The following ASAP3 variants were observed in gnomAD, a reference collection of about 807,000 sequenced individuals.
The protein encoded by ASAP3 is arf-GAP with SH3 domain, ANK repeat and PH domain-containing protein 3.
A neutral mutation model predicts 118.2 loss-of-function variants in ASAP3; 85 were observed. The ratio of observed to expected loss-of-function variants is 0.72; its 90% CI spans 0.60 to 0.86. The LOEUF (loss-of-function observed/expected upper bound fraction) is 0.86, where lower values mean the gene tolerates loss of function less well. Ranked by LOEUF, ASAP3 falls within the 40% of genes least tolerant of loss-of-function variation. The pLI, the probability that ASAP3 is intolerant of heterozygous loss-of-function variation, is 0.00. For synonymous variants in ASAP3, 432 were observed against 477.4 expected (o/e 0.90, Z 1.24); for missense variants, 1,026 against 1,175.0 (o/e 0.87, Z 1.85).
At chr1:23,453,769 T>C (rs1641298328) in intron 3 of ASAP3, among the ~76,000 whole-genome samples, 1 of 152,152 alleles carries the variant, frequency 6.6e-6, no homozygotes, top group Non-Finnish European at 1.5e-5. Context: ...ATGGCAGCAC[T>C]AGGCCTCTGA....
At chr1:23,457,996 G>A (rs1641443074) in intron 1 of ASAP3, among the ~76,000 whole-genome samples, 1 of 152,226 alleles carries the variant, frequency 6.6e-6, no homozygotes, top group Non-Finnish European at 1.5e-5. Flanking sequence ...ATCATCAGCT[G>A]CTGCTGATGC....
chr1:23,475,258 G>A (rs1029578583), intron 1 of ASAP3, among the ~76,000 whole-genome samples: 2 of 152,120 alleles, frequency 1.3e-5, no homozygotes, highest in Non-Finnish European at 2.9e-5. Flanking sequence ...ATGGTGTCTA[G>A]TGTTCAGGGA....
intron 17 of ASAP3, 117 bp downstream of exon 17, chr1:23,435,734 G>C (rs1435680535): frequency 5.0e-6 from 6 of 1,195,940 alleles, no homozygotes; most frequent in Non-Finnish European, 7.5e-6. Flanking sequence ...ACTCTGATGG[G>C]TGAGATCTGA....
chr1:23,440,108 A>G (rs1035119956), intron 10 of ASAP3, among the ~76,000 whole-genome samples: 33 of 144,604 alleles, frequency 2.3e-4, no homozygotes, highest in Admixed American at 2.3e-3. Context: ...GAGCCACTGC[A>G]CCTGGCCCAC....
chr1:23,458,981 C>T (rs1641480124), intron 1 of ASAP3, among the ~76,000 whole-genome samples: 1 of 151,996 alleles, frequency 6.6e-6, no homozygotes, highest in Admixed American at 6.6e-5. Context: ...ACCAGCCTGA[C>T]CAACATGGCG....
intron 5 of ASAP3, among the ~76,000 whole-genome samples, chr1:23,444,993 G>A (rs1334717581): frequency 1.3e-5 from 2 of 151,368 alleles, no homozygotes. Context: ...TTTAAAGAGG[G>A]GGTTATTTTT....
chr1:23,447,340 TTC>T (rs1241982678), intron 5 of ASAP3, among the ~76,000 whole-genome samples: 2 of 152,222 alleles, frequency 1.3e-5, no homozygotes, highest in Non-Finnish European at 2.9e-5. Context: ...TGCTACTATG[TTC>T]TGTTTTATTA....
intron 23 of ASAP3, 108 bp downstream of exon 23, chr1:23,431,588 G>T (rs1640432035): frequency 7.5e-6 from 8 of 1,066,346 alleles, no homozygotes; most frequent in Non-Finnish European, 1.1e-5. Flanking sequence ...CCCAGAGATG[G>T]CGTGTGACCC....
chr1:23,437,090 C>A lies in ASAP3; in HGVS notation c.1342+40G>T, dbSNP rs771860516. 18 of 1,600,812 alleles carry A rather than the reference C, an allele frequency of 1.1e-5. No individual in the cohort carries two copies. Among genetic ancestry groups the A allele is most frequent in the Non-Finnish European group, 1.5e-5 (18 of 1,173,426 alleles). On this transcript the variant is annotated intron_variant, in intron 14 of 24. Coordinates refer to ENST00000336689, the MANE Select transcript of ASAP3 (RefSeq NM_017707.4). This position sits in a 1 kb window ranked among gnomAD's most constrained non-coding sequence, Gnocchi z 6.1. ...AGCCTGGAGGTGCAGCCCCTCCCCTCCACTTAAGCCTCCCTCCTGCCCCGG... is the reference window on the plus strand; with the variant it reads ...AGCCTGGAGGTGCAGCCCCTCCCCTACACTTAAGCCTCCCTCCTGCCCCGG...
At position 23,437,142 on chromosome 1, in the gene ASAP3, A is replaced by G; in HGVS notation, c.1330T>C (p.Cys444Arg). 1.2e-6 allele frequency: 2 copies of G among 1,605,042 alleles called. No individual in the cohort carries two copies. Among genetic ancestry groups the G allele is most frequent in the Non-Finnish European group, 1.7e-6 (2 of 1,175,614 alleles). ...CCCGGGGACCGACCTGCAGCCCCGCAGTCGCAGCACTGGCTATTCCCAGGC... is the reference window on the plus strand; with the variant it reads ...CCCGGGGACCGACCTGCAGCCCCGCGGTCGCAGCACTGGCTATTCCCAGGC... ...SRPGNSQCCD[C>R]GAADPTWLST... The change falls in exon 14 of 25, where the codon TGC becomes CGC. Residue 444 changes from cysteine to arginine, a missense_variant. Coordinates refer to ENST00000336689, the MANE Select transcript of ASAP3 (RefSeq NM_017707.4). The surrounding 1 kb of genome is among the most constrained non-coding windows in gnomAD (Gnocchi z 6.1).
chr1:23,444,804 G>C (rs1558134631), intron 5 of ASAP3, among the ~76,000 whole-genome samples: 1 of 152,056 alleles, frequency 6.6e-6, no homozygotes, highest in African/African-American at 2.4e-5. Flanking sequence ...CTCAACCATG[G>C]AACTGATAAC....
chr1:23,429,930 C>T lies in ASAP3; in HGVS notation c.2638G>A (p.Val880Ile). 1.2e-6 allele frequency: 2 copies of T among 1,613,624 alleles called. No individual in the cohort carries two copies. Among genetic ancestry groups the T allele is most frequent in the Non-Finnish European group, 1.7e-6 (2 of 1,179,758 alleles). Residue 880 changes from valine to isoleucine, a missense_variant and splice_region_variant, in exon 25 of 25, where the codon GTT becomes ATT. Physicochemically the swap from Val to Ile is conservative, Grantham distance 29 (BLOSUM62 3). Transcript: ENST00000336689. The part of the protein sequence containing the change: ...RQPLPRRNVP[V>I]GITEGDGSRT... ...GAGCCATCTCCTTCAGTGATGCCAA[C>T]CTGCAGAAAGAAGGATGAAACTGAC...
chr1:23,431,808 T>C lies in ASAP3; in HGVS notation c.2434A>G (p.Ser812Gly), dbSNP rs1640445409. ...LMSPLEPGDP[S>G]QAPPNSEEGL... ...TCTTCAGAGTTGGGTGGGGCTTGGC[T>C]GGGATCCCCAGGTTCCAAGGGGCTC... Residue 812 changes from serine to glycine, a missense_variant, in exon 23 of 25, where the codon AGC (serine) becomes GGC (glycine). Transcript: ENST00000336689. 1 of 1,558,252 alleles carries C rather than the reference T, an allele frequency of 6.4e-7. No individual in the cohort carries two copies. The highest frequency in any genetic ancestry group is 8.6e-7 in the Non-Finnish European group (1 of 1,159,154).
intron 1 of ASAP3, among the ~76,000 whole-genome samples, chr1:23,474,686 C>G (rs983582049): frequency 5.9e-5 from 9 of 152,122 alleles, no homozygotes; most frequent in Non-Finnish European, 1.3e-4. Context: ...CGGGTTCAAG[C>G]GATTCTCCTG....
intron 10 of ASAP3, among the ~76,000 whole-genome samples, chr1:23,440,016 A>G (rs1321016839): frequency 1.3e-5 from 2 of 150,832 alleles, no homozygotes; most frequent in Non-Finnish European, 2.9e-5. Flanking sequence ...GGGTTTCACT[A>G]TGTTGGCTGG....
chr1:23,438,869 A>G lies in ASAP3; in HGVS notation c.1015-35T>C. On this transcript the variant is annotated intron_variant, in intron 11 of 24. Transcript: ENST00000336689. The surrounding 1 kb of genome is among the most constrained non-coding windows in gnomAD (Gnocchi z 4.9). ...TTTAGGGGCGGAGGATGTATGCATTACCTCTGGCCCTCCACATTCTTTAGG... is the reference window on the plus strand; with the variant it reads ...TTTAGGGGCGGAGGATGTATGCATTGCCTCTGGCCCTCCACATTCTTTAGG... 2 of 1,591,922 alleles carry G rather than the reference A, an allele frequency of 1.3e-6. No individual in the cohort carries two copies. The highest frequency in any genetic ancestry group is 1.7e-6 in the Non-Finnish European group (2 of 1,160,074).
At chr1:23,447,276 G>A (rs978335097) in intron 5 of ASAP3, among the ~76,000 whole-genome samples, 3 of 152,124 alleles carry the variant, frequency 2.0e-5, no homozygotes, top group African/African-American at 7.2e-5. Context: ...CAGTGCTTGT[G>A]TTCAAGTAAC....
In ASAP3 at chr1:23,438,947, T is replaced by G; in HGVS notation, c.1015-113A>C. The G allele has an allele frequency of 8.2e-7, 1 of 1,226,840 alleles. No individual in the cohort carries two copies. The highest frequency in any genetic ancestry group is 1.9e-5 in the Admixed American group (1 of 52,036). The allele number at this position is 1,226,840 out of a possible 1,614,324, so 76.0% of individuals were successfully genotyped here. ...CATAATCATCCTGTTCCATTTGTGT[T>G]TCTCCTCACCCAGCAGCACCTCAAG... On this transcript the variant is annotated intron_variant, in intron 11 of 24. Transcript: ENST00000336689. This position sits in a 1 kb window ranked among gnomAD's most constrained non-coding sequence, Gnocchi z 4.9.
intron 10 of ASAP3, 148 bp from the exon 11 acceptor site, chr1:23,439,378 A>G: frequency 1.5e-6 from 1 of 689,226 alleles, no homozygotes; most frequent in Non-Finnish European, 2.5e-6. Context: ...CCCACCCCTG[A>G]CCCCTGACTC....
Sources: allele counts gnomAD v4.1 joint callset (sites outside exome capture counted in the v4.1 genomes callset), GRCh38; gene constraint gnomAD v4.1.1; non-coding constraint Gnocchi (gnomAD v3.1); transcripts MANE v1.5; gene names NCBI Gene and HGNC (gene_info 2026-07-23, HGNC 2026-07-21).